Variants in VNN1 observed in about 807,000 individuals in gnomAD.
VNN1 encodes pantetheinase.
Under a neutral mutation model 41.9 loss-of-function variants are expected in VNN1, and 29 were observed. The observed-to-expected ratio is 0.69, with a 90% CI of 0.52 to 0.94. The LOEUF is 0.94. Ranked by LOEUF, VNN1 falls within the 40% of genes least tolerant of loss-of-function variation. The pLI is 0.00. For synonymous variants in VNN1, 233 were observed against 224.4 expected (o/e 1.04, Z -0.34); for missense variants, 637 against 621.1 (o/e 1.03, Z -0.27).
At chr6:132,687,387 A>G (rs924988020) in intron 5 of VNN1, among the ~76,000 whole-genome samples, 4 of 152,228 alleles carry the variant, frequency 2.6e-5, no homozygotes, top group Non-Finnish European at 5.9e-5. Context: ...ACAACAAGAA[A>G]GAGGGCACAA....
intron 2 of VNN1, among the ~76,000 whole-genome samples, chr6:132,707,148 C>A (rs907257607): frequency 6.6e-6 from 1 of 151,476 alleles, no homozygotes; most frequent in Non-Finnish European, 1.5e-5. Flanking sequence ...ATTGCTTGAA[C>A]CCAGGAGGCA....
intron 2 of VNN1, among the ~76,000 whole-genome samples, chr6:132,700,334 G>A (rs919055188): frequency 6.6e-6 from 1 of 152,044 alleles, no homozygotes; most frequent in African/African-American, 2.4e-5. Context: ...CAGAGGCATT[G>A]TCTGCCCAAA....
At chr6:132,688,504 T>C (rs1175554207) in intron 5 of VNN1, among the ~76,000 whole-genome samples, 1 of 152,064 alleles carries the variant, frequency 6.6e-6, no homozygotes, top group African/African-American at 2.4e-5. Context: ...CAACTCTCTT[T>C]AGGTAGAGCC....
intron 2 of VNN1, among the ~76,000 whole-genome samples, chr6:132,707,055 C>T (rs142598553): frequency 1.5e-3 from 235 of 151,682 alleles, no homozygotes; most frequent in African/African-American, 5.0e-3. Context: ...GGTGGAACCC[C>T]GTCTCTACCA....
In VNN1 at chr6:132,681,477, T is replaced by C. The variant is rs1778120075; in HGVS notation, c.*1663A>G. The C allele has an allele frequency of 6.6e-6, 1 of 152,192 alleles. No homozygotes were observed. The highest frequency in any genetic ancestry group is 2.4e-5 in the African/African-American group (1 of 41,434). 9.4% of individuals were successfully genotyped at this position (152,192 alleles called of 1,614,324 possible). On this transcript the variant is annotated 3_prime_UTR_variant, in exon 7 of 7. Transcript: ENST00000367928. ...CCCAGATCCTGACCCTCAGAAATGC[T>C]ATAAGATAATAAATGTTTGTTGTTT...
At position 132,710,529 on chromosome 6, in the gene VNN1, G is replaced by C. The variant is rs368044745; in HGVS notation, c.341+1180C>G. Among the ~76,000 whole-genome samples the C allele has an allele frequency of 7.9e-5, 12 of 151,962 alleles. No homozygotes were observed. The East Asian group carries it at 2.3e-3, about 29-fold the overall frequency. Reference sequence around the variant, plus strand: ...TAATGCCATCCCTCCCTTAGCCCCCGACTCCCCGACAGGCCCCGGTGTGTG... The same window carrying C: ...TAATGCCATCCCTCCCTTAGCCCCCCACTCCCCGACAGGCCCCGGTGTGTG... On this transcript the variant is annotated intron_variant, in intron 2 of 6. Transcript: ENST00000367928.
chr6:132,684,263 T>C, intron 6 of VNN1, 72 bp downstream of exon 6: 1 of 1,458,830 alleles, frequency 6.9e-7, no homozygotes, highest in Non-Finnish European at 9.3e-7. Flanking sequence ...TTGTAAGCAC[T>C]TGAGCAGATT....
chr6:132,684,371 C>G lies in VNN1; in HGVS notation c.1323G>C (p.Leu441Phe). 4 of 1,613,300 alleles carry G rather than the reference C, an allele frequency of 2.5e-6. No individual in the cohort carries two copies. Among genetic ancestry groups the G allele is most frequent in the Non-Finnish European group, 3.4e-6 (4 of 1,179,556 alleles). Reference sequence around the variant, plus strand: ...CAGGTGCAAGCTGATTTTCACTCAGCAACACCTCAGGAAAGACATACTGGG... The same window carrying G: ...CAGGTGCAAGCTGATTTTCACTCAGGAACACCTCAGGAAAGACATACTGGG... ...FGTQYVFPEV[L>F]LSENQLAPGE... is the part of the protein sequence containing the mutation. Residue 441 changes from leucine (L) to phenylalanine (F), a missense_variant, in exon 6 of 7, where the codon TTG (leucine) becomes TTC (phenylalanine). By Grantham distance (22) the Leu-to-Phe change is conservative. Transcript: ENST00000367928.
intron 2 of VNN1, among the ~76,000 whole-genome samples, chr6:132,697,562 T>C (rs17604042): frequency 0.1 from 15,287 of 151,974 alleles, 979 homozygotes; most frequent in Middle Eastern, 0.17. Flanking sequence ...ATTTATCCTC[T>C]ATTGCACAAC....
At chr6:132,684,272 T>C in intron 6 of VNN1, 63 bp downstream of exon 6, 1 of 1,515,678 alleles carries the variant, frequency 6.6e-7, no homozygotes, top group Non-Finnish European at 8.9e-7. Context: ...CTTGAGCAGA[T>C]TTTTATATCA....
In VNN1 at chr6:132,685,947, AC is replaced by A. The variant is rs558814203; in HGVS notation, c.1189-1443del. On this transcript the variant is annotated intron_variant, in intron 5 of 6. Coordinates refer to ENST00000367928, the MANE Select transcript of VNN1 (RefSeq NM_004666.3). ...TGAATGTTGAAAACGTTCCCCCTCCACCCCCACCCACACCTTGCAAGGCCAT... is the reference window on the plus strand; with the variant it reads ...TGAATGTTGAAAACGTTCCCCCTCCACCCCACCCACACCTTGCAAGGCCAT... Among the ~76,000 whole-genome samples, 206 of 150,186 alleles carry A rather than the reference AC, an allele frequency of 1.4e-3. 3 individuals are homozygous for A. The highest frequency in any genetic ancestry group is 4.8e-3 in the African/African-American group (195 of 40,778).
chr6:132,704,576 G>A (rs72992310), intron 2 of VNN1, among the ~76,000 whole-genome samples: 3,161 of 152,136 alleles, frequency 0.021, 54 homozygotes, highest in Non-Finnish European at 0.035. Context: ...TAAGAGGAAA[G>A]TTTATAGCTA....
intron 1 of VNN1, 84 bp from the exon 2 acceptor site, chr6:132,711,923 T>C: frequency 7.0e-7 from 1 of 1,438,486 alleles, no homozygotes. Flanking sequence ...TATTTGGGCT[T>C]CCCCCACACC....
At position 132,711,745 on chromosome 6, in the gene VNN1, G is replaced by A; in HGVS notation, c.305C>T (p.Pro102Leu). The change falls in exon 2 of 7, where the codon CCT becomes CTT. Residue 102 changes from proline to leucine, a missense_variant. By Grantham distance (98) the Pro-to-Leu change is moderately conservative. Transcript: ENST00000367928. Reference protein sequence around the residue: ...LYPYLEDIPDPEVNWIPCNNR... With the variant: ...LYPYLEDIPDLEVNWIPCNNR... ...ATTACAGGGGATCCAGTTTACTTCA[G>A]GGTCTGGGATGTCCTCCAAATATGG... is the stretch of plus-strand genomic sequence containing the variant. 6.2e-7 allele frequency: 1 copy of A among 1,613,838 alleles called. No homozygotes were observed. The highest frequency in any genetic ancestry group is 8.5e-7 in the Non-Finnish European group (1 of 1,179,856).
At chr6:132,699,253 A>T in intron 2 of VNN1, 1 of 264,116 alleles carries the variant, frequency 3.8e-6, no homozygotes, top group South Asian at 4.8e-5. Flanking sequence ...AATTTCTACA[A>T]CTCCACTATT....
intron 2 of VNN1, among the ~76,000 whole-genome samples, chr6:132,701,832 T>C (rs1582775643): frequency 6.6e-6 from 1 of 152,226 alleles, no homozygotes; most frequent in African/African-American, 2.4e-5. Context: ...GGAGAGAAAA[T>C]TTGTGCCCTT....
chr6:132,690,297 T>G (rs1778263931), intron 5 of VNN1, among the ~76,000 whole-genome samples: 1 of 152,152 alleles, frequency 6.6e-6, no homozygotes, highest in African/African-American at 2.4e-5. Context: ...CAGGACAGGA[T>G]GTTGCTTCCA....
chr6:132,693,314 T>C lies in VNN1; in HGVS notation c.536A>G (p.Gln179Arg). 1 of 1,598,372 alleles carries C rather than the reference T, an allele frequency of 6.3e-7. No homozygotes were observed. Among genetic ancestry groups the C allele is most frequent in the Non-Finnish European group, 8.5e-7 (1 of 1,173,102 alleles). Residue 179 changes from glutamine to arginine, a missense_variant and splice_region_variant, in exon 4 of 7, where the codon CAA (glutamine) becomes CGA (arginine). Physicochemically the swap from Gln to Arg is conservative, Grantham distance 43. Coordinates refer to ENST00000367928, the MANE Select transcript of VNN1 (RefSeq NM_004666.3). The stretch of plus-strand genomic sequence containing the variant: ...TTGATTTTCACCCATGAAAAGGTTT[T>C]GCTGCAATAAACAGAAGATAAAGAG... ...QGKLVARYHK[Q>R]NLFMGENQFN... is the part of the protein sequence containing the mutation.
chr6:132,699,385 ATG>A, intron 2 of VNN1: 1 of 178,628 alleles, frequency 5.6e-6, no homozygotes, highest in Non-Finnish European at 1.2e-5. Context: ...AAAGCCTTCT[ATG>A]TTGATATTGT....
Sources: gnomAD v4.1 joint callset for allele counts (sites outside exome capture counted in the v4.1 genomes callset) on GRCh38, gnomAD v4.1.1 for gene constraint, MANE v1.5 for transcripts, NCBI Gene and HGNC (gene_info 2026-07-23, HGNC 2026-07-21) for gene names.